RBM19: variants seen among roughly 807,000 people sequenced by gnomAD.
RBM19 encodes RNA binding motif protein 19, also known as probable RNA-binding protein 19.
In RBM19, 94 loss-of-function variants were observed where a neutral mutation model predicts 116.8. The observed-to-expected ratio is 0.80, with a 90% CI of 0.68 to 0.95. RBM19 has a LOEUF of 0.95. Among genes scored for constraint, RBM19 ranks in the 40% least tolerant of loss-of-function variants. The probability of loss-of-function intolerance (pLI) is 0.00; values close to 1 mark genes in which losing one functional copy is unlikely to be tolerated. For missense variants in RBM19, 1,161 were observed against 1,220.7 expected, an observed-to-expected ratio of 0.95 and a Z score of 0.73; for synonymous variants, 475 against 494.1, an observed-to-expected ratio of 0.96 and a Z score of 0.51.
In RBM19 at chr12:113,959,292, T is replaced by G; in HGVS notation, c.491A>C (p.Lys164Thr). 6.2e-7 allele frequency: 1 copy of G among 1,614,074 alleles called. No individual in the cohort carries two copies. Among genetic ancestry groups the G allele is most frequent in the Non-Finnish European group, 8.5e-7 (1 of 1,179,980 alleles). The change falls in exon 5 of 24, where the codon AAG (lysine) becomes ACG (threonine). Residue 164 changes from lysine (K) to threonine (T), a missense_variant. Lys to Thr is a moderately conservative substitution (Grantham distance 78). Transcript: ENST00000261741. ...LDAEPSKGKS[K>T]PASDYLNFDS... is the part of the protein sequence containing the mutation. ...GAAGTTCAGGTAGTCACTGGCCGGCTTGCTCTTCCCTTTCGAGGGCTCAGC... is the reference window on the plus strand; with the variant it reads ...GAAGTTCAGGTAGTCACTGGCCGGCGTGCTCTTCCCTTTCGAGGGCTCAGC...
chr12:113,850,243 G>T (rs1033328033), intron 22 of RBM19, among the ~76,000 whole-genome samples: 1 of 152,202 alleles, frequency 6.6e-6, no homozygotes, highest in Non-Finnish European at 1.5e-5. Flanking sequence ...GGGACAGGTG[G>T]ATTTCCTACT....
intron 22 of RBM19, among the ~76,000 whole-genome samples, chr12:113,846,154 G>T (rs941720663): frequency 6.6e-6 from 1 of 152,216 alleles, no homozygotes; most frequent in African/African-American, 2.4e-5. Flanking sequence ...CCAGGTGCTT[G>T]AGCATTGGCA....
At chr12:113,838,489 TGAGCACACAAACACCACAGGGA>T (rs1876161513) in intron 23 of RBM19, among the ~76,000 whole-genome samples, 1 of 152,084 alleles carries the variant, frequency 6.6e-6, no homozygotes, top group Non-Finnish European at 1.5e-5. Flanking sequence ...CTCCACAGGG[TGAGCACACAAACACCACAGGGA>T]GAGCACACAA....
At chr12:113,931,625 TC>T (rs1369892732) in intron 16 of RBM19, among the ~76,000 whole-genome samples, 1 of 151,986 alleles carries the variant, frequency 6.6e-6, no homozygotes, top group Non-Finnish European at 1.5e-5. Context: ...CCTTTTCCCT[TC>T]TCTCCCGTCA....
intron 6 of RBM19, 70 bp downstream of exon 6, chr12:113,957,712 G>T: frequency 6.6e-7 from 1 of 1,511,816 alleles, no homozygotes; most frequent in Non-Finnish European, 8.8e-7. Flanking sequence ...CCTAACAGAG[G>T]AGCTGTGGGG....
chr12:113,885,237 A>G (rs555627028), intron 21 of RBM19, among the ~76,000 whole-genome samples: 1 of 152,374 alleles, frequency 6.6e-6, no homozygotes, highest in African/African-American at 2.4e-5. Flanking sequence ...CAAAGATAAC[A>G]TCACCAGCAA....
At chr12:113,923,282 G>A (rs552687492) in intron 18 of RBM19, among the ~76,000 whole-genome samples, 1 of 152,276 alleles carries the variant, frequency 6.6e-6, no homozygotes, top group South Asian at 2.1e-4. Flanking sequence ...CATGGAGGAG[G>A]CCATCTATAA....
chr12:113,884,078 C>T (rs1305601759), intron 21 of RBM19, among the ~76,000 whole-genome samples: 1 of 143,906 alleles, frequency 6.9e-6, no homozygotes, highest in Non-Finnish European at 1.5e-5. Context: ...AGTTCAAGAC[C>T]AGCCCAGGCA....
At chr12:113,818,601 T>C (rs1197581328), downstream of RBM19, among the ~76,000 whole-genome samples, 1 of 152,262 alleles carries the variant, frequency 6.6e-6, no homozygotes, top group East Asian at 1.9e-4. Flanking sequence ...AAGTACTCAC[T>C]AGGCATGACA....
At chr12:113,950,519 G>C (rs116431852) in intron 8 of RBM19, among the ~76,000 whole-genome samples, 1 of 152,086 alleles carries the variant, frequency 6.6e-6, no homozygotes, top group Admixed American at 6.5e-5. Flanking sequence ...CCACCTAGGC[G>C]CTGGAAGCAC....
At chr12:113,961,964 G>A (rs1051028708) in intron 2 of RBM19, among the ~76,000 whole-genome samples, 3 of 152,246 alleles carry the variant, frequency 2.0e-5, no homozygotes, top group Non-Finnish European at 2.9e-5. Context: ...CCAGCAGCAT[G>A]GTCGTCACCT....
Position 113,949,052 on chromosome 12 carries a change from G to A in RBM19, c.1073-16C>T, listed in dbSNP as rs1313128620. ...TAGCGCCCACCTGCAATGAAGAGGA[G>A]TCAGGGCTCCAGGGGGAGGCCTAGA... is the stretch of plus-strand genomic sequence containing the variant. On this transcript the variant is annotated splice_polypyrimidine_tract_variant and intron_variant, in intron 9 of 23. Coordinates refer to ENST00000261741, the MANE Select transcript of RBM19 (RefSeq NM_016196.4). 2.5e-6 allele frequency: 4 copies of A among 1,605,812 alleles called. No homozygotes were observed. Among genetic ancestry groups the A allele is most frequent in the Admixed American group, 3.4e-5 (2 of 59,674 alleles).
At chr12:113,937,655 C>T (rs958573429) in intron 15 of RBM19, among the ~76,000 whole-genome samples, 1 of 151,442 alleles carries the variant, frequency 6.6e-6, no homozygotes, top group Non-Finnish European at 1.5e-5. Context: ...GTAGTCCTAG[C>T]TACTCAGGAA....
chr12:113,923,907 G>A (rs1453022918), intron 18 of RBM19, among the ~76,000 whole-genome samples: 1 of 152,236 alleles, frequency 6.6e-6, no homozygotes, highest in Non-Finnish European at 1.5e-5. Flanking sequence ...GGTGGGGCCT[G>A]GGGACTGTCT....
At chr12:113,938,461 TG>T (rs1307785884) in intron 15 of RBM19, among the ~76,000 whole-genome samples, 6 of 112,914 alleles carry the variant, frequency 5.3e-5, no homozygotes, top group Non-Finnish European at 9.0e-5. Flanking sequence ...TAAGAATTGC[TG>T]GGGGGGACAT....
chr12:113,924,608 C>T, intron 18 of RBM19, 89 bp downstream of exon 18: 2 of 1,193,432 alleles, frequency 1.7e-6, no homozygotes, highest in East Asian at 2.3e-5. Flanking sequence ...GGAGAACTAC[C>T]CCAACCCCTT....
chr12:113,930,447 A>C (rs938358399), intron 16 of RBM19, among the ~76,000 whole-genome samples: 3 of 152,230 alleles, frequency 2.0e-5, no homozygotes, highest in Non-Finnish European at 4.4e-5. Context: ...TTAGTAACAC[A>C]GCTGAGACCA....
At chr12:113,928,201 G>A (rs1401840267) in intron 16 of RBM19, among the ~76,000 whole-genome samples, 1 of 152,070 alleles carries the variant, frequency 6.6e-6, no homozygotes, top group African/African-American at 2.4e-5. Flanking sequence ...GCCGGGCATG[G>A]TGGTGGGCAC....
At chr12:113,955,734 T>C (rs1871879471) in intron 6 of RBM19, among the ~76,000 whole-genome samples, 2 of 152,244 alleles carry the variant, frequency 1.3e-5, no homozygotes, top group Non-Finnish European at 2.9e-5. Flanking sequence ...TTGAATGCAC[T>C]TCCCAGCAAA....
Sources: allele counts gnomAD v4.1 joint callset (sites outside exome capture counted in the v4.1 genomes callset), GRCh38; gene constraint gnomAD v4.1.1; transcripts MANE v1.5; gene names NCBI Gene and HGNC (gene_info 2026-07-23, HGNC 2026-07-21).